Variants in ROBO2 observed in about 807,000 individuals in gnomAD.
ROBO2 encodes the protein roundabout homolog 2.
In ROBO2, 53 loss-of-function variants were observed where a neutral mutation model predicts 160.8. That is an observed-to-expected ratio of 0.33 (90% CI 0.26 to 0.41). The LOEUF is 0.41. ROBO2 is among the 10% of genes least tolerant of loss of function. The probability of loss-of-function intolerance (pLI) is 1.00; values close to 1 mark genes in which losing one functional copy is unlikely to be tolerated. For missense variants in ROBO2, 1,577 were observed against 1,722.4 expected, an observed-to-expected ratio of 0.92 and a Z score of 1.49; for synonymous variants, 664 against 611.7, an observed-to-expected ratio of 1.09 and a Z score of -1.26.
At chr3:76,320,292 G>A (rs1455958970) in intron 2 of ROBO2, among the ~76,000 whole-genome samples, 1 of 151,956 alleles carries the variant, frequency 6.6e-6, no homozygotes, top group Non-Finnish European at 1.5e-5. Flanking sequence ...TTCTTATGTA[G>A]AGAAAATATT....
intron 1 of ROBO2, among the ~76,000 whole-genome samples, chr3:75,914,500 T>G (rs987566642): frequency 7.2e-4 from 109 of 152,324 alleles, no homozygotes; most frequent in African/African-American, 2.5e-3. Flanking sequence ...TTCATTTCTT[T>G]TAATATTGTA....
At chr3:76,816,898 A>G (rs577698452) in intron 2 of ROBO2, among the ~76,000 whole-genome samples, 22 of 152,284 alleles carry the variant, frequency 1.4e-4, no homozygotes, top group African/African-American at 5.3e-4. Flanking sequence ...CATAAAAAAA[A>G]GGATGAGTTC....
chr3:77,357,212 G>C (rs1183023800), intron 2 of ROBO2, among the ~76,000 whole-genome samples: 4 of 152,136 alleles, frequency 2.6e-5, no homozygotes, highest in East Asian at 3.9e-4. Flanking sequence ...AATCCCCAAT[G>C]CAACAGTGTT....
At chr3:76,397,182 T>C (rs969179987) in intron 2 of ROBO2, among the ~76,000 whole-genome samples, 6 of 152,104 alleles carry the variant, frequency 3.9e-5, no homozygotes, top group African/African-American at 4.8e-5. Context: ...TATCTACAAC[T>C]ATCTGATCTT....
chr3:76,252,449 G>T (rs1257107475), intron 2 of ROBO2, among the ~76,000 whole-genome samples: 1 of 151,964 alleles, frequency 6.6e-6, no homozygotes, highest in Non-Finnish European at 1.5e-5. Flanking sequence ...AACTATTAGG[G>T]TGGTTTTAAC....
intron 1 of ROBO2, among the ~76,000 whole-genome samples, chr3:75,918,512 A>C (rs1477762455): frequency 1.1e-4 from 17 of 152,118 alleles, no homozygotes. Flanking sequence ...TTTTGGCTCC[A>C]CAGGCTCTTT....
chr3:77,296,010 T>G (rs1255813114), intron 2 of ROBO2, among the ~76,000 whole-genome samples: 1 of 146,218 alleles, frequency 6.8e-6, no homozygotes, highest in Non-Finnish European at 1.5e-5. Context: ...AACGGGAAGT[T>G]GAGGCTAGAA....
chr3:76,279,231 A>G (rs1186292682), intron 2 of ROBO2, among the ~76,000 whole-genome samples: 1 of 151,690 alleles, frequency 6.6e-6, no homozygotes, highest in African/African-American at 2.4e-5. Flanking sequence ...GAAAGTCCCT[A>G]TGTAATTAGA....
At chr3:76,617,943 A>C (rs1490875298) in intron 2 of ROBO2, among the ~76,000 whole-genome samples, 1 of 151,576 alleles carries the variant, frequency 6.6e-6, no homozygotes, top group Non-Finnish European at 1.5e-5. Context: ...TAACTCCCAC[A>C]ACATGTGGGA....
Position 77,322,162 on chromosome 3 carries a change from T to C in ROBO2, c.389-155252T>C, listed in dbSNP as rs539055900. ...CCCAGGCTCCACACGTGACTATGAA[T>C]AATCTTATAAATAATAGACTTATTC... On this transcript the variant is annotated intron_variant, in intron 2 of 25. Coordinates refer to ENST00000461745, the Ensembl canonical transcript of ROBO2. Among the ~76,000 whole-genome samples, 21 of 152,284 alleles carry C rather than the reference T, an allele frequency of 1.4e-4. 1 individual carries two copies. In the South Asian group the frequency reaches 4.1e-3, roughly 30 times the overall value.
intron 2 of ROBO2, among the ~76,000 whole-genome samples, chr3:76,915,671 CAAAAAAAAAA>C (rs372827394): frequency 3.1e-5 from 3 of 96,500 alleles, no homozygotes; most frequent in Middle Eastern, 5.2e-3. Context: ...CTCTCGCTCT[CAAAAAAAAAA>C]AAAAAAGAAA....
chr3:77,077,035 A>G (rs1476949460), intron 1 of ROBO2, among the ~76,000 whole-genome samples: 2 of 152,194 alleles, frequency 1.3e-5, no homozygotes, highest in African/African-American at 4.8e-5. Context: ...TCTTAGGCAA[A>G]AAAACACAAT....
chr3:76,836,290 G>A (rs2109422985), intron 2 of ROBO2, among the ~76,000 whole-genome samples: 1 of 151,926 alleles, frequency 6.6e-6, no homozygotes, highest in African/African-American at 2.4e-5. Context: ...TCCCACATCA[G>A]ATATTCAATT....
intron 2 of ROBO2, among the ~76,000 whole-genome samples, chr3:76,576,780 CA>C (rs56044277): frequency 1.6e-4 from 15 of 92,900 alleles, no homozygotes; most frequent in Admixed American, 2.7e-4. Context: ...CTCCGTCTCA[CA>C]AAAAAAAAAA....
intron 2 of ROBO2, among the ~76,000 whole-genome samples, chr3:76,804,857 C>T (rs1342449625): frequency 6.6e-6 from 1 of 152,054 alleles, no homozygotes. Context: ...TTATGCTCTT[C>T]GTAATAAACG....
chr3:75,993,927 C>A (rs1013670737), intron 2 of ROBO2, among the ~76,000 whole-genome samples: 3 of 152,300 alleles, frequency 2.0e-5, no homozygotes, highest in African/African-American at 7.2e-5. Context: ...AGCGTGTATG[C>A]TGTTTTGTTT....
intron 2 of ROBO2, among the ~76,000 whole-genome samples, chr3:76,716,997 C>T (rs2093390260): frequency 6.6e-6 from 1 of 152,160 alleles, no homozygotes; most frequent in Non-Finnish European, 1.5e-5. Context: ...CATCCATTTT[C>T]TGTGTGCATT....
At chr3:76,254,635 A>C (rs1461912860) in intron 2 of ROBO2, among the ~76,000 whole-genome samples, 1 of 152,050 alleles carries the variant, frequency 6.6e-6, no homozygotes, top group Non-Finnish European at 1.5e-5. Context: ...TGGAGAGGAA[A>C]GTATACCTGT....
chr3:77,054,632 C>A (rs1330975804), intron 1 of ROBO2, among the ~76,000 whole-genome samples: 1 of 152,062 alleles, frequency 6.6e-6, no homozygotes, highest in African/African-American at 2.4e-5. Flanking sequence ...GTTCCTTTTC[C>A]CTAGTCCTCA....
Sources: allele counts gnomAD v4.1 joint callset (sites outside exome capture counted in the v4.1 genomes callset), GRCh38; gene constraint gnomAD v4.1.1; transcripts MANE v1.5; gene names NCBI Gene and HGNC (gene_info 2026-07-23, HGNC 2026-07-21).